Variants in ARID1A observed in about 807,000 individuals in gnomAD.
ARID1A encodes AT-rich interaction domain 1A.
In ARID1A, 20 loss-of-function variants were observed where a neutral mutation model predicts 212.6. The observed-to-expected ratio is 0.09, with a 90% CI of 0.07 to 0.14. The LOEUF (loss-of-function observed/expected upper bound fraction) is 0.14, where lower values mean the gene tolerates loss of function less well. Among genes scored for constraint, ARID1A ranks in the 10% least tolerant of loss-of-function variants. The probability of loss-of-function intolerance (pLI) is 1.00; values close to 1 mark genes in which losing one functional copy is unlikely to be tolerated. For missense variants in ARID1A, 2,587 were observed against 3,059.0 expected, an observed-to-expected ratio of 0.85 and a Z score of 3.64; for synonymous variants, 1,376 against 1,222.1, an observed-to-expected ratio of 1.13 and a Z score of -2.63.
chr1:26,734,515 G>A lies in ARID1A; in HGVS notation c.1920+1723G>A, dbSNP rs74826819. ...TTGTTCCTGGGAAGGCTATCACAAG[G>A]AACATTCCCACGTTTGGGCTTTTTC... On this transcript the variant is annotated intron_variant, in intron 4 of 19. Coordinates refer to ENST00000324856, the MANE Select transcript of ARID1A (RefSeq NM_006015.6). 5.3e-3 allele frequency among the ~76,000 whole-genome samples: 811 copies of A among 152,254 alleles called. 5 individuals are homozygous for A. The highest frequency in any genetic ancestry group is 0.017 in the African/African-American group (714 of 41,542).
chr1:26,770,840 C>A (rs1194502859), intron 11 of ARID1A: 4 of 421,522 alleles, frequency 9.5e-6, no homozygotes, highest in African/African-American at 2.0e-5. Flanking sequence ...TACTAAAAAA[C>A]CGGACTCTGA....
chr1:26,762,168 C>A lies in ARID1A; in HGVS notation c.2268C>A (p.Asn756Lys), dbSNP rs2080998323. ...CACAAATAGGTTATATGCAGAGGAA[C>A]CCCCAGATGCCCCAGTACAGTTCCC... is the stretch of plus-strand genomic sequence containing the variant. ...IAQDRGYMQR[N>K]PQMPQYSSPQ... The change falls in exon 7 of 20, where the codon AAC becomes AAA. Residue 756 changes from asparagine to lysine, a missense_variant. Coordinates refer to ENST00000324856, the MANE Select transcript of ARID1A (RefSeq NM_006015.6). 4.3e-6 allele frequency: 7 copies of A among 1,612,638 alleles called. No individual in the cohort carries two copies. The highest frequency in any genetic ancestry group is 5.9e-6 in the Non-Finnish European group (7 of 1,179,372).
rs2124140883 is a variant in ARID1A, at chr1:26,779,506, C to T, written c.5608C>T (p.Pro1870Ser). 6.2e-7 allele frequency: 1 copy of T among 1,614,086 alleles called. No individual in the cohort carries two copies. Among genetic ancestry groups the T allele is most frequent in the Non-Finnish European group, 8.5e-7 (1 of 1,180,024 alleles). ...ESKTELLPSRPHAPCPPAPRK... is the reference protein window; with the variant it reads ...ESKTELLPSRSHAPCPPAPRK... The stretch of plus-strand genomic sequence containing the variant: ...CAAGACAGAGCTGCTGCCTTCCCGG[C>T]CTCACGCACCCTGCCCACCAGCCCC... The change falls in exon 20 of 20, where the codon CCT becomes TCT. Residue 1870 changes from proline to serine, a missense_variant. Coordinates refer to ENST00000324856, the MANE Select transcript of ARID1A (RefSeq NM_006015.6).
At chr1:26,775,318 C>A in intron 18 of ARID1A, 98 bp downstream of exon 18, 1 of 1,479,226 alleles carries the variant, frequency 6.8e-7, no homozygotes, top group Non-Finnish European at 8.9e-7. Context: ...TGAATCTGGT[C>A]CAGTGTTGAC....
chr1:26,774,174 G>A lies in ARID1A; in HGVS notation c.4102-155G>A, dbSNP rs2081112246. Reference sequence around the variant, plus strand: ...GGAAGAAAGAGTGGTGGTTGCTTTTGGAAACAACTTCAAAAGACAATTTGT... The same window carrying A: ...GGAAGAAAGAGTGGTGGTTGCTTTTAGAAACAACTTCAAAAGACAATTTGT... On this transcript the variant is annotated intron_variant, in intron 17 of 19. Transcript: ENST00000324856. This position sits in a 1 kb window ranked among gnomAD's most constrained non-coding sequence, Gnocchi z 5.6. 1 of 1,392,638 alleles carries A rather than the reference G, an allele frequency of 7.2e-7. No individual in the cohort carries two copies. Among genetic ancestry groups the A allele is most frequent in the Non-Finnish European group, 9.5e-7 (1 of 1,054,390 alleles). The allele number at this position is 1,392,638 out of a possible 1,614,324, so 86.3% of individuals were successfully genotyped here.
At chr1:26,699,959 G>A (rs775794561) in intron 1 of ARID1A, among the ~76,000 whole-genome samples, 9 of 152,160 alleles carry the variant, frequency 5.9e-5, no homozygotes, top group Non-Finnish European at 1.3e-4. Flanking sequence ...CTGTTTGGAT[G>A]CCTGTCTGTG....
chr1:26,702,318 T>C (rs572336703), intron 1 of ARID1A, among the ~76,000 whole-genome samples: 60 of 152,360 alleles, frequency 3.9e-4, no homozygotes, highest in African/African-American at 1.4e-3. Flanking sequence ...TGCTATTCTT[T>C]CTCTTCTCCA....
chr1:26,716,588 G>C (rs2080505470), intron 1 of ARID1A, among the ~76,000 whole-genome samples: 1 of 152,022 alleles, frequency 6.6e-6, no homozygotes, highest in Non-Finnish European at 1.5e-5. Flanking sequence ...GGCATGCTGG[G>C]CTAGAGTTCA....
chr1:26,722,644 C>T (rs1431368271), intron 1 of ARID1A, among the ~76,000 whole-genome samples: 1 of 152,176 alleles, frequency 6.6e-6, no homozygotes, highest in African/African-American at 2.4e-5. Context: ...GTTGATTCCT[C>T]TCTCACCAAA....
intron 1 of ARID1A, among the ~76,000 whole-genome samples, chr1:26,706,128 A>G (rs534266166): frequency 2.9e-4 from 44 of 152,282 alleles, no homozygotes; most frequent in African/African-American, 9.1e-4. Context: ...TGCTACCCAT[A>G]TGAAGAGGAA....
chr1:26,696,093 A>T lies in ARID1A; in HGVS notation c.-311A>T. The T allele has an allele frequency of 2.2e-6, 1 of 444,488 alleles. No individual in the cohort carries two copies. Among genetic ancestry groups the T allele is most frequent in the Non-Finnish European group, 3.1e-6 (1 of 320,542 alleles). The allele number at this position is 444,488 out of a possible 1,614,324, so 27.5% of individuals were successfully genotyped here. ...GAGCGGAGCCTCCACCGCCCCCCTC[A>T]TTCCCAGGCAAGGGCTTGGGGGGAA... On this transcript the variant is annotated 5_prime_UTR_variant, in exon 1 of 20. Coordinates refer to ENST00000324856, the MANE Select transcript of ARID1A (RefSeq NM_006015.6).
intron 1 of ARID1A, among the ~76,000 whole-genome samples, chr1:26,709,184 G>C (rs1034017183): frequency 3.9e-5 from 6 of 152,142 alleles, no homozygotes; most frequent in South Asian, 2.1e-4. Flanking sequence ...CTACCTTGAA[G>C]CTATGGTAAA....
chr1:26,709,133 C>T (rs1020775681), intron 1 of ARID1A, among the ~76,000 whole-genome samples: 2 of 152,262 alleles, frequency 1.3e-5, no homozygotes, highest in African/African-American at 4.8e-5. Context: ...TAAGTCACTT[C>T]TCTGAATCTG....
At chr1:26,707,314 T>C (rs2124758214) in intron 1 of ARID1A, among the ~76,000 whole-genome samples, 1 of 150,736 alleles carries the variant, frequency 6.6e-6, no homozygotes, top group African/African-American at 2.4e-5. Flanking sequence ...GTTCAAGTGA[T>C]TCTCCTGCCA....
chr1:26,766,627 G>A lies in ARID1A; in HGVS notation c.2988+61G>A, dbSNP rs973483818. 7.5e-6 allele frequency: 11 copies of A among 1,466,858 alleles called. No individual in the cohort carries two copies. In the Admixed American group the frequency reaches 1.8e-4, roughly 24 times the overall value. 90.9% of individuals were successfully genotyped at this position (1,466,858 alleles called of 1,614,324 possible). On this transcript the variant is annotated intron_variant, in intron 10 of 19. Transcript: ENST00000324856. Reference sequence around the variant, plus strand: ...GTCCTATCTTTTTCAGTGATAGGAAGGAAAAAGAAAAGAGAGTGACAAGAT... The same window carrying A: ...GTCCTATCTTTTTCAGTGATAGGAAAGAAAAAGAAAAGAGAGTGACAAGAT...
intron 1 of ARID1A, among the ~76,000 whole-genome samples, chr1:26,713,820 C>G (rs958909771): frequency 6.6e-6 from 1 of 152,200 alleles, no homozygotes; most frequent in African/African-American, 2.4e-5. Flanking sequence ...TTTTGGGGTT[C>G]TGTTGACCCA....
chr1:26,762,762 G>A (rs570144805), intron 7 of ARID1A, among the ~76,000 whole-genome samples: 2 of 152,324 alleles, frequency 1.3e-5, no homozygotes, highest in Non-Finnish European at 2.9e-5. Flanking sequence ...AAGTTGAAAT[G>A]CCTGTGTGGC....
intron 1 of ARID1A, among the ~76,000 whole-genome samples, chr1:26,714,155 A>G (rs575211865): frequency 9.2e-5 from 14 of 152,354 alleles, no homozygotes; most frequent in South Asian, 6.2e-4. Flanking sequence ...AATAGAGACA[A>G]TAAGGTTCTG....
chr1:26,774,259 C>T lies in ARID1A; in HGVS notation c.4102-70C>T, dbSNP rs2124116502. 1 of 1,506,646 alleles carries T rather than the reference C, an allele frequency of 6.6e-7. No individual in the cohort carries two copies. The highest frequency in any genetic ancestry group is 1.4e-5 in the African/African-American group (1 of 71,610). 93.3% of individuals were successfully genotyped at this position (1,506,646 alleles called of 1,614,324 possible). ...CCACCAAGCATCTGGTTGTAGCCAT[C>T]TTGGCATCTGTGGGCTTTATGTCCC... On this transcript the variant is annotated intron_variant, in intron 17 of 19. Transcript: ENST00000324856. This position sits in a 1 kb window ranked among gnomAD's most constrained non-coding sequence, Gnocchi z 5.6.
Sources: gnomAD v4.1 joint callset for allele counts (sites outside exome capture counted in the v4.1 genomes callset) on GRCh38, gnomAD v4.1.1 for gene constraint, Gnocchi (gnomAD v3.1) non-coding constraint, MANE v1.5 for transcripts, NCBI Gene and HGNC (gene_info 2026-07-23, HGNC 2026-07-21) for gene names.